The following PSG1 variants were observed in gnomAD, a reference collection of about 807,000 sequenced individuals.
PSG1 encodes the protein pregnancy specific beta-1-glycoprotein 1, also known as pregnancy-specific beta-1-glycoprotein 1.
In PSG1, 60 loss-of-function variants were observed where a neutral mutation model predicts 41.4. That is an observed-to-expected ratio of 1.45 (90% CI 1.18 to 1.80). The LOEUF is 1.80. Ranked by LOEUF, PSG1 falls within the 40% of genes most tolerant of loss-of-function variation. The probability of loss-of-function intolerance (pLI) is 0.00; values close to 1 mark genes in which losing one functional copy is unlikely to be tolerated. For synonymous variants in PSG1, 256 were observed against 192.9 expected, an observed-to-expected ratio of 1.33 and a Z score of -2.71; for missense variants, 806 against 516.9, an observed-to-expected ratio of 1.56 and a Z score of -5.42.
intron 2 of PSG1, among the ~76,000 whole-genome samples, chr19:42,875,971 G>A (rs1971587076): frequency 1.3e-5 from 2 of 151,302 alleles, no homozygotes; most frequent in South Asian, 2.1e-4. Flanking sequence ...TACAGTGGAA[G>A]GTCATTCTCT....
intron 2 of PSG1, among the ~76,000 whole-genome samples, chr19:42,876,180 G>A (rs1238905611): frequency 2.0e-5 from 3 of 151,456 alleles, no homozygotes; most frequent in Non-Finnish European, 4.4e-5. Context: ...GACAGGGCTT[G>A]CCAGTCAGAA....
At chr19:42,877,231 A>C (rs1307816333) in intron 2 of PSG1, among the ~76,000 whole-genome samples, 1 of 151,488 alleles carries the variant, frequency 6.6e-6, no homozygotes, top group African/African-American at 2.4e-5. Flanking sequence ...GCTTCTGGGG[A>C]CATTAGTCTT....
Position 42,866,563 on chromosome 19 carries a change from G to C in PSG1, c.*571C>G, listed in dbSNP as rs1282935153. On this transcript the variant is annotated 3_prime_UTR_variant, in exon 6 of 6. Coordinates refer to ENST00000436291, the MANE Select transcript of PSG1 (RefSeq NM_001184825.2). ...CGGCAAGAGCCATCCACACAATGTG[G>C]ATTTAAAGGGGACTCTATTATAATT... 1.1e-5 allele frequency: 2 copies of C among 187,960 alleles called. No homozygotes were observed. The highest frequency in any genetic ancestry group is 2.2e-5 in the Non-Finnish European group (2 of 89,348). The allele number at this position is 187,960 out of a possible 1,614,324, so 11.6% of individuals were successfully genotyped here.
At chr19:42,870,300 G>T (rs1971326253) in intron 3 of PSG1, 1 of 151,876 alleles carries the variant, frequency 6.6e-6, no homozygotes, top group Admixed American at 6.6e-5. Flanking sequence ...AAATCTGAAA[G>T]ATTCAAAATC....
intron 2 of PSG1, among the ~76,000 whole-genome samples, chr19:42,874,459 G>T (rs183146862): frequency 4.6e-5 from 7 of 151,584 alleles, no homozygotes; most frequent in African/African-American, 1.7e-4. Context: ...CCATTCTCCT[G>T]CCTTGGCCTC....
In PSG1 at chr19:42,866,957, T is replaced by G. The variant is rs1971158614; in HGVS notation, c.*177A>C. 2.7e-6 allele frequency: 2 copies of G among 752,052 alleles called. No homozygotes were observed. Among genetic ancestry groups the G allele is most frequent in the African/African-American group, 3.4e-5 (2 of 58,586 alleles). The allele number at this position is 752,052 out of a possible 1,614,324, so 46.6% of individuals were successfully genotyped here. ...CCTGGTTTACAGTTTGAGCATCTGT[T>G]GTTATGGTGTCGAATATTTTGGTGA... On this transcript the variant is annotated 3_prime_UTR_variant, in exon 6 of 6. Transcript: ENST00000436291.
chr19:42,877,882 C>T lies in PSG1; in HGVS notation c.430+31G>A. Reference sequence around the variant, plus strand: ...TGAAGTAGAAGTGACCCCTGTCCCCCAACACCCAGGGATCATGTGGAATCA... The same window carrying T: ...TGAAGTAGAAGTGACCCCTGTCCCCTAACACCCAGGGATCATGTGGAATCA... On this transcript the variant is annotated intron_variant, in intron 2 of 5. Coordinates refer to ENST00000436291, the MANE Select transcript of PSG1 (RefSeq NM_001184825.2). 2.5e-6 allele frequency: 4 copies of T among 1,611,956 alleles called. 1 individual carries two copies. The highest frequency in any genetic ancestry group is 3.4e-6 in the Non-Finnish European group (4 of 1,178,828).
At position 42,871,781 on chromosome 19, in the gene PSG1, G is replaced by T; in HGVS notation, c.695C>A (p.Thr232Asn). ...PVSASRSDPV[T>N]LNLLPKLPKP... ...AAGATACTCACGGAGGAGATTCAGG[G>T]TGACTGGGTCACTGCGGCTGGCACT... Residue 232 changes from threonine to asparagine, a missense_variant, in exon 3 of 6, where the codon ACC becomes AAC. Coordinates refer to ENST00000436291, the MANE Select transcript of PSG1 (RefSeq NM_001184825.2). 1.2e-6 allele frequency: 2 copies of T among 1,612,626 alleles called. No homozygotes were observed. The highest frequency in any genetic ancestry group is 1.7e-6 in the Non-Finnish European group (2 of 1,179,244).
In PSG1 at chr19:42,878,121, G is replaced by A; in HGVS notation, c.222C>T (p.Asp74=). 1.2e-6 allele frequency: 2 copies of A among 1,612,256 alleles called. No individual in the cohort carries two copies. Among genetic ancestry groups the A allele is most frequent in the Non-Finnish European group, 1.7e-6 (2 of 1,179,164 alleles). The change falls in exon 2 of 6, where the codon GAC becomes GAT. Residue 74 remains aspartate, a synonymous_variant. Coordinates refer to ENST00000436291, the MANE Select transcript of PSG1 (RefSeq NM_001184825.2). ...CATATGATGTAATGTAATGGTAGAG[G>A]TCCCTCATTTGCCCTTTGTACCAGA... The part of the protein sequence containing the change: ...GYIWYKGQMR[D]LYHYITSYVV...
intron 2 of PSG1, among the ~76,000 whole-genome samples, chr19:42,872,498 C>A (rs1163803873): frequency 6.6e-6 from 1 of 151,678 alleles, no homozygotes; most frequent in African/African-American, 2.4e-5. Flanking sequence ...GATGGAACTT[C>A]CCATTGTCCT....
intron 5 of PSG1, chr19:42,867,549 G>A: frequency 1.6e-6 from 1 of 630,430 alleles, no homozygotes; most frequent in Non-Finnish European, 2.8e-6. Flanking sequence ...CAAAGCATTG[G>A]TAATATAACC....
Position 42,866,660 on chromosome 19 carries a change from T to C in PSG1, c.*474A>G, listed in dbSNP as rs1479225194. 3.4e-6 allele frequency: 1 copy of C among 297,684 alleles called. No individual in the cohort carries two copies. The highest frequency in any genetic ancestry group is 6.4e-6 in the Non-Finnish European group (1 of 157,078). 18.4% of individuals were successfully genotyped at this position (297,684 alleles called of 1,614,324 possible). On this transcript the variant is annotated 3_prime_UTR_variant, in exon 6 of 6. Coordinates refer to ENST00000436291, the MANE Select transcript of PSG1 (RefSeq NM_001184825.2). ...CAGGCAATATCTCTGTGTTCATTTC[T>C]ATTGGGAGCCCTGTATGCAAGGTGG... is the stretch of plus-strand genomic sequence containing the variant.
rs746821988 is a variant in PSG1, at chr19:42,867,138, G to A, written c.1256C>T (p.Pro419Leu). 30 of 770,492 alleles carry A rather than the reference G, an allele frequency of 3.9e-5. No individual in the cohort carries two copies. The highest frequency in any genetic ancestry group is 2.2e-4 in the African/African-American group (13 of 59,004). 47.7% of individuals were successfully genotyped at this position (770,492 alleles called of 1,614,324 possible). The change falls in exon 6 of 6, where the codon CCC (proline) becomes CTC (leucine). Residue 419 changes from proline (P) to leucine (L), a missense_variant. By Grantham distance (98) the Pro-to-Leu change is moderately conservative. Coordinates refer to ENST00000436291, the MANE Select transcript of PSG1 (RefSeq NM_001184825.2). ...MTVEVSDWTV[P>L] ...AATTGGAGGTACTAGTAGAATTCAG[G>A]GAACTGTCCAGTCTACAGGTGGATA...
At position 42,871,484 on chromosome 19, in the gene PSG1, A is replaced by G. The variant is rs1971380426; in HGVS notation, c.709+283T>C. Among the ~76,000 whole-genome samples, 5 of 151,718 alleles carry G rather than the reference A, an allele frequency of 3.3e-5. 1 individual carries two copies. Among genetic ancestry groups the G allele is most frequent in the Admixed American group, 3.3e-4 (5 of 15,196 alleles). ...AGTCACAACATTGAAGTCCCAGCCA[A>G]ATCCCCACTGTGTTCACAGATCTGG... is the stretch of plus-strand genomic sequence containing the variant. On this transcript the variant is annotated intron_variant, in intron 3 of 5. Transcript: ENST00000436291.
At chr19:42,877,367 G>T (rs948682720) in intron 2 of PSG1, among the ~76,000 whole-genome samples, 4 of 151,594 alleles carry the variant, frequency 2.6e-5, no homozygotes, top group African/African-American at 9.7e-5. Flanking sequence ...GGCTCTGAGG[G>T]CTGAGCCCTG....
rs1971159105 is a variant in PSG1 at position 42,866,974 on chromosome 19, T to C, written c.*160A>G. 1.3e-6 allele frequency: 1 copy of C among 760,988 alleles called. No homozygotes were observed. The highest frequency in any genetic ancestry group is 1.4e-5 in the South Asian group (1 of 73,804). The allele number at this position is 760,988 out of a possible 1,614,324, so 47.1% of individuals were successfully genotyped here. A position where few individuals can be genotyped will look rare whatever the true frequency, so the allele number is the denominator to read the frequency against. ...GCATCTGTTGTTATGGTGTCGAATATTTTGGTGAGTTCTGAGTGGCTCATG... is the reference window on the plus strand; with the variant it reads ...GCATCTGTTGTTATGGTGTCGAATACTTTGGTGAGTTCTGAGTGGCTCATG... On this transcript the variant is annotated 3_prime_UTR_variant, in exon 6 of 6. Transcript: ENST00000436291.
rs1229512464 is a variant in PSG1 at position 42,879,585 on chromosome 19, C to T, written c.-4G>A. 1.2e-6 allele frequency: 2 copies of T among 1,610,284 alleles called. No individual in the cohort carries two copies. The highest frequency in any genetic ancestry group is 3.3e-5 in the Admixed American group (2 of 59,760). ...GAGGGGCTGAGAGGGTTCCCATGGT[C>T]TCTGCTGCTTGTGTGTTCTCCTCTG... On this transcript the variant is annotated 5_prime_UTR_variant, in exon 1 of 6. Transcript: ENST00000436291.
chr19:42,875,739 C>T (rs1600509505), intron 2 of PSG1, among the ~76,000 whole-genome samples: 1 of 151,594 alleles, frequency 6.6e-6, no homozygotes, highest in Non-Finnish European at 1.5e-5. Flanking sequence ...AAACCTCTGT[C>T]CTCCTGTTTG....
intron 2 of PSG1, among the ~76,000 whole-genome samples, chr19:42,874,375 C>G (rs566785101): frequency 2.0e-5 from 3 of 151,200 alleles, no homozygotes; most frequent in African/African-American, 4.9e-5. Context: ...GAGACAGAGT[C>G]TCGCTCTGTC....
Sources: allele counts gnomAD v4.1 joint callset (sites outside exome capture counted in the v4.1 genomes callset), GRCh38; gene constraint gnomAD v4.1.1; transcripts MANE v1.5; gene names NCBI Gene and HGNC (gene_info 2026-07-23, HGNC 2026-07-21).